Variants in NDRG2 observed in about 807,000 individuals in gnomAD.
NDRG2 encodes protein NDRG2.
Under a neutral mutation model 58.2 loss-of-function variants are expected in NDRG2, and 34 were observed. The observed-to-expected ratio is 0.58, with a 90% CI of 0.44 to 0.78. The LOEUF is 0.78. NDRG2 is among the 30% of genes least tolerant of loss of function. The pLI, the probability that NDRG2 is intolerant of heterozygous loss-of-function variation, is 0.00. For missense variants in NDRG2, 434 were observed against 471.2 expected, an observed-to-expected ratio of 0.92 and a Z score of 0.73; for synonymous variants, 187 against 175.9, an observed-to-expected ratio of 1.06 and a Z score of -0.50.
Position 21,024,602 on chromosome 14 carries a change from T to C in NDRG2, c.-579A>G. ...CGTCGCTTCTCTCCTCTACTCAGTCTCCGTGTAGGTCCCACGAGTGGAGAA... is the reference window on the plus strand; with the variant it reads ...CGTCGCTTCTCTCCTCTACTCAGTCCCCGTGTAGGTCCCACGAGTGGAGAA... On this transcript the variant is annotated 5_prime_UTR_variant, in exon 1 of 16. Transcript: ENST00000556147. 1.8e-5 allele frequency: 18 copies of C among 985,432 alleles called. No individual in the cohort carries two copies. Among genetic ancestry groups the C allele is most frequent in the Non-Finnish European group, 2.2e-5 (18 of 829,934 alleles). The allele number at this position is 985,432 out of a possible 1,614,324, so 61.0% of individuals were successfully genotyped here.
Position 21,018,479 on chromosome 14 carries a change from G to C in NDRG2, c.839C>G (p.Pro280Arg). 6 of 1,614,048 alleles carry C rather than the reference G, an allele frequency of 3.7e-6. No individual in the cohort carries two copies. The highest frequency in any genetic ancestry group is 5.1e-6 in the Non-Finnish European group (6 of 1,179,976). Reference sequence around the variant, plus strand: ...GACCTTGAGGAACGAGGTCTGGGTGGGGTCCAGTTTTGAGTTACATTCCAC... The same window carrying C: ...GACCTTGAGGAACGAGGTCTGGGTGCGGTCCAGTTTTGAGTTACATTCCAC... The part of the protein sequence containing the change: ...AVVECNSKLD[P>R]TQTSFLKMAD... The change falls in exon 13 of 16, where the codon CCC (proline) becomes CGC (arginine). Residue 280 changes from proline to arginine, a missense_variant. By Grantham distance (103) the Pro-to-Arg change is moderately radical. Transcript: ENST00000556147.
intron 1 of NDRG2, among the ~76,000 whole-genome samples, chr14:21,044,635 G>A (rs539601550): frequency 1.2e-4 from 19 of 152,278 alleles, no homozygotes; most frequent in African/African-American, 4.1e-4. Context: ...CATTTCTCTC[G>A]TTCTGGGGAC....
intron 11 of NDRG2, 90 bp downstream of exon 11, chr14:21,019,026 C>A: frequency 3.5e-6 from 5 of 1,434,392 alleles, no homozygotes; most frequent in Non-Finnish European, 4.8e-6. Context: ...AAGGAAGTTC[C>A]CTGGCAAAAG....
chr14:21,018,247 G>C lies in NDRG2; in HGVS notation c.862-8C>G. ...ACCTCCGGAGTCAGCCATCTGTTCA[G>C]GAGAGCACCACCCAGAAAAAGTGAA... On this transcript the variant is annotated splice_region_variant and splice_polypyrimidine_tract_variant and intron_variant, in intron 13 of 15. Coordinates refer to ENST00000556147, the MANE Select transcript of NDRG2 (RefSeq NM_001320329.2). 4 of 1,613,644 alleles carry C rather than the reference G, an allele frequency of 2.5e-6. No homozygotes were observed. Among genetic ancestry groups the C allele is most frequent in the Non-Finnish European group, 2.5e-6 (3 of 1,180,014 alleles).
At position 21,022,081 on chromosome 14, in the gene NDRG2, C is replaced by G. The variant is rs1437469417; in HGVS notation, c.325G>C (p.Ala109Pro). ...TCTTACCCCAAAGGGAACACAGGGG[C>G]TCCCTCTTCCATTCCAGGGGCATCC... ...HVDAPGMEEG[A>P]PVFPLGYQYP... The change falls in exon 5 of 16, where the codon GCC becomes CCC. Residue 109 changes from alanine to proline, a missense_variant. Ala to Pro is a conservative substitution (Grantham distance 27). Transcript: ENST00000556147. 2 of 1,614,178 alleles carry G rather than the reference C, an allele frequency of 1.2e-6. No individual in the cohort carries two copies. Among genetic ancestry groups the G allele is most frequent in the Non-Finnish European group, 1.7e-6 (2 of 1,180,034 alleles).
chr14:21,031,991 A>G, intron 1 of NDRG2: 2 of 1,614,170 alleles, frequency 1.2e-6, no homozygotes, highest in South Asian at 1.1e-5. Flanking sequence ...GGGCAAGGGC[A>G]TTGCGGGACG....
intron 1 of NDRG2, chr14:21,032,217 G>C: frequency 2.2e-6 from 2 of 899,884 alleles, no homozygotes; most frequent in South Asian, 1.4e-5. Flanking sequence ...AGTGTAGAGA[G>C]AGGGAGAAGA....
At chr14:21,030,523 C>T, upstream of NDRG2, 1 of 1,556,532 alleles carries the variant, frequency 6.4e-7, no homozygotes, top group Non-Finnish European at 8.8e-7. Flanking sequence ...TCCTCCCTCC[C>T]CCTTCTCCTT....
chr14:21,070,346 G>T lies in NDRG2; in HGVS notation c.24+482C>A. 2 of 1,401,026 alleles carry T rather than the reference G, an allele frequency of 1.4e-6. No homozygotes were observed. The highest frequency in any genetic ancestry group is 1.8e-6 in the Non-Finnish European group (2 of 1,082,484). The allele number at this position is 1,401,026 out of a possible 1,614,324, so 86.8% of individuals were successfully genotyped here. A position where few individuals can be genotyped will look rare whatever the true frequency, so the allele number is the denominator to read the frequency against. ...AGCGGCGGGAGGGAGGCGGTGGCGC[G>T]CCCGGCCCCGCCCGCCCGACCAAGC... On this transcript the variant is annotated intron_variant, in intron 1 of 14. Transcript: ENST00000403829. This position sits in a 1 kb window ranked among gnomAD's most constrained non-coding sequence, Gnocchi z 4.7.
chr14:21,069,259 G>A (rs1011345822), intron 1 of NDRG2, among the ~76,000 whole-genome samples: 12 of 152,148 alleles, frequency 7.9e-5, no homozygotes, highest in Non-Finnish European at 1.5e-5. Flanking sequence ...GGGGACGCTC[G>A]GGGTTTGATG....
In NDRG2 at chr14:21,070,703, T is replaced by G. The variant is rs773921131; in HGVS notation, c.24+125A>C. The stretch of plus-strand genomic sequence containing the variant: ...CCCCGCCCTCCTCTGTCCTGACCTG[T>G]GCCTTCCTTTCCTGGAGCTTCCCTC... On this transcript the variant is annotated intron_variant, in intron 1 of 14. Transcript: ENST00000403829. This position sits in a 1 kb window ranked among gnomAD's most constrained non-coding sequence, Gnocchi z 4.7. 6 of 1,141,306 alleles carry G rather than the reference T, an allele frequency of 5.3e-6. No homozygotes were observed. In the Admixed American group the frequency reaches 8.4e-5, roughly 16 times the overall value. 70.7% of individuals were successfully genotyped at this position (1,141,306 alleles called of 1,614,324 possible). A position where few individuals can be genotyped will look rare whatever the true frequency, so the allele number is the denominator to read the frequency against.
Position 21,017,993 on chromosome 14 carries a change from C to T in NDRG2, c.943G>A (p.Gly315Ser). Residue 315 changes from glycine (G) to serine (S), a missense_variant, in exon 15 of 16, where the codon GGC becomes AGC. Transcript: ENST00000556147. ...EAFKYFLQGM[G>S]YMASSCMTRL... ...CTCTTGTCCCGATACTCACTGTAGCCCATGCCTTGCAGGAAGTACTTGAAG... is the reference window on the plus strand; with the variant it reads ...CTCTTGTCCCGATACTCACTGTAGCTCATGCCTTGCAGGAAGTACTTGAAG... 6.2e-7 allele frequency: 1 copy of T among 1,614,212 alleles called. No homozygotes were observed. The highest frequency in any genetic ancestry group is 8.5e-7 in the Non-Finnish European group (1 of 1,180,038).
chr14:21,062,594 T>C (rs1191768210), intron 1 of NDRG2, among the ~76,000 whole-genome samples: 2 of 152,140 alleles, frequency 1.3e-5, no homozygotes, highest in Non-Finnish European at 2.9e-5. Context: ...TCAAAGGCTG[T>C]GGTCAGGTCT....
rs1295522590 is a variant in NDRG2, at chr14:21,068,124, C to T, written c.24+2704G>A. On this transcript the variant is annotated intron_variant, in intron 1 of 14. Coordinates refer to the NDRG2 transcript ENST00000403829. ...ACGCCATTCTCCTGCCTCAGCCTCC[C>T]GAGTAGCTGGGACTACAGGCGCCCG... Among the ~76,000 whole-genome samples, 7 of 46,926 alleles carry T rather than the reference C, an allele frequency of 1.5e-4. 1 individual carries two copies. The highest frequency in any genetic ancestry group is 2.8e-4 in the African/African-American group (6 of 21,430). 30.8% of individuals were successfully genotyped at this position (46,926 alleles called of 152,430 possible).
chr14:21,023,864 T>A (rs1478760116), intron 1 of NDRG2, 166 bp downstream of exon 1: 1 of 629,116 alleles, frequency 1.6e-6, no homozygotes, highest in Admixed American at 6.0e-5. Flanking sequence ...GAAAACAACA[T>A]AAAAGGGACA....
chr14:21,052,121 G>A (rs1885494710), intron 1 of NDRG2, among the ~76,000 whole-genome samples: 2 of 152,176 alleles, frequency 1.3e-5, no homozygotes, highest in Admixed American at 1.3e-4. Flanking sequence ...TTATTCAACT[G>A]AAACTCCTTG....
chr14:21,024,353 G>A lies in NDRG2; in HGVS notation c.-330C>T. On this transcript the variant is annotated 5_prime_UTR_variant, in exon 1 of 16. Coordinates refer to ENST00000556147, the MANE Select transcript of NDRG2 (RefSeq NM_001320329.2). ...GAAGTGCTGATGTGGAGGTAAGAGG[G>A]TGGCCCTGTCAGAACCTCCGGATTC... The A allele has an allele frequency of 4.1e-6, 4 of 971,738 alleles. No homozygotes were observed. Among genetic ancestry groups the A allele is most frequent in the Non-Finnish European group, 4.9e-6 (4 of 817,456 alleles). 60.2% of individuals were successfully genotyped at this position (971,738 alleles called of 1,614,324 possible). A position where few individuals can be genotyped will look rare whatever the true frequency, so the allele number is the denominator to read the frequency against.
rs138562262 is a variant in NDRG2, at chr14:21,023,286, T to C, written c.30A>G (p.Thr10=). The C allele has an allele frequency of 4.4e-5, 71 of 1,613,828 alleles. No individual in the cohort carries two copies. Among genetic ancestry groups the C allele is most frequent in the South Asian group, 1.5e-4 (14 of 91,002 alleles). The change falls in exon 2 of 16, where the codon ACA becomes ACG. Residue 10 remains threonine (T), a synonymous_variant. Coordinates refer to ENST00000556147, the MANE Select transcript of NDRG2 (RefSeq NM_001320329.2). MAELQEVQI[T]EEKPLLPGQT... is the part of the protein sequence containing the mutation. ...GTCCTGGCAACAGTGGCTTCTCCTC[T>C]GTGATCTGCACCTCCTGCAGCTCCG... is the stretch of plus-strand genomic sequence containing the variant.
intron 1 of NDRG2, among the ~76,000 whole-genome samples, chr14:21,038,011 T>C (rs1351867257): frequency 1.3e-5 from 2 of 152,198 alleles, no homozygotes; most frequent in Non-Finnish European, 2.9e-5. Context: ...TGGCATTATC[T>C]TTTGCCCTGT....
Sources: gnomAD v4.1 joint callset for allele counts (sites outside exome capture counted in the v4.1 genomes callset) on GRCh38, gnomAD v4.1.1 for gene constraint, Gnocchi (gnomAD v3.1) non-coding constraint, MANE v1.5 for transcripts, NCBI Gene and HGNC (gene_info 2026-07-23, HGNC 2026-07-21) for gene names.